The following AIM2 variants were observed in gnomAD, a reference collection of about 807,000 sequenced individuals.
AIM2 encodes the protein interferon-inducible protein AIM2.
A neutral mutation model predicts 27.7 loss-of-function variants in AIM2; 30 were observed. That is an observed-to-expected ratio of 1.08 (90% confidence interval 0.81 to 1.47). The LOEUF is 1.47. Among genes scored for constraint, AIM2 ranks in the 40% most tolerant of loss-of-function variants. The pLI, the probability that AIM2 is intolerant of heterozygous loss-of-function variation, is 0.00. For synonymous variants in AIM2, 141 were observed against 145.3 expected (o/e 0.97, Z 0.21); for missense variants, 358 against 411.3 (o/e 0.87, Z 1.12).
chr1:159,125,456 A>G (rs1330487441), intron 1 of AIM2, among the ~76,000 whole-genome samples: 2 of 152,226 alleles, frequency 1.3e-5, no homozygotes, highest in African/African-American at 4.8e-5. Context: ...GTGAACTGTT[A>G]TATTTTAATC....
In AIM2 at chr1:159,103,234, C is replaced by CCATGATTGTA. The variant is rs1657353515; in HGVS notation, c.-15-36915_-15-36906dup. On this transcript the variant is annotated intron_variant, in intron 1 of 2. Transcript: ENST00000368129. ...GACACCCTGTGAAGAAACGCCTCCA[C>CCATGATTGTA]CATGATTGTAAGTTTTCTGCGGCTT... 3.3e-5 allele frequency among the ~76,000 whole-genome samples: 5 copies of CCATGATTGTA among 152,310 alleles called. 1 individual carries two copies. The Middle Eastern group carries it at 0.017, about 518-fold the overall frequency.
At chr1:159,069,683 C>T (rs1017053695) in intron 2 of AIM2, among the ~76,000 whole-genome samples, 4 of 151,964 alleles carry the variant, frequency 2.6e-5, no homozygotes, top group African/African-American at 4.8e-5. Context: ...GCTGGGATTA[C>T]AGGCTCATGC....
downstream of AIM2, among the ~76,000 whole-genome samples, chr1:159,058,264 G>T (rs1655719178): frequency 6.6e-6 from 1 of 151,262 alleles, no homozygotes; most frequent in Non-Finnish European, 1.5e-5. Context: ...CAGGACAATT[G>T]CTTGAACCCG....
chr1:159,113,191 G>T (rs767025286), intron 1 of AIM2, among the ~76,000 whole-genome samples: 16 of 152,058 alleles, frequency 1.1e-4, no homozygotes, highest in Admixed American at 2.6e-4. Flanking sequence ...TGATCCACCT[G>T]CCTCGGTCTC....
At chr1:159,127,620 A>T (rs1025342242) in intron 1 of AIM2, among the ~76,000 whole-genome samples, 1 of 151,936 alleles carries the variant, frequency 6.6e-6, no homozygotes. Context: ...CCCTGTTGGG[A>T]TCCTTAATGG....
intron 3 of AIM2, among the ~76,000 whole-genome samples, chr1:159,067,631 T>C (rs1453336147): frequency 6.6e-6 from 1 of 152,154 alleles, no homozygotes; most frequent in Non-Finnish European, 1.5e-5. Context: ...GACTGAAAAA[T>C]GCATATTTTC....
chr1:159,140,580 G>A (rs559837974), upstream of AIM2: 1 of 152,340 alleles, frequency 6.6e-6, no homozygotes, highest in African/African-American at 2.4e-5. Context: ...GCAGTCCTGG[G>A]ACACGTATCT....
chr1:159,131,582 G>C (rs1245485435), intron 1 of AIM2, among the ~76,000 whole-genome samples: 1 of 152,148 alleles, frequency 6.6e-6, no homozygotes, highest in African/African-American at 2.4e-5. Context: ...GTTAAGACAA[G>C]ACTATTTAAA....
chr1:159,079,016 T>C (rs926161075), upstream of AIM2, among the ~76,000 whole-genome samples: 1 of 152,124 alleles, frequency 6.6e-6, no homozygotes, highest in African/African-American at 2.4e-5. Flanking sequence ...TTTGTGTGTA[T>C]ACATGTATGG....
At chr1:159,140,839 A>G (rs1391665158), upstream of AIM2, among the ~76,000 whole-genome samples, 1 of 152,190 alleles carries the variant, frequency 6.6e-6, no homozygotes, top group East Asian at 1.9e-4. Flanking sequence ...CTTTTTGAAA[A>G]TCAGGAATTA....
chr1:159,083,304 A>C (rs899023812), intron 1 of AIM2, among the ~76,000 whole-genome samples: 1 of 152,194 alleles, frequency 6.6e-6, no homozygotes, highest in African/African-American at 2.4e-5. Context: ...AGGTGTAAGA[A>C]AAGTAAATTT....
chr1:159,130,460 T>C (rs1570981813), intron 1 of AIM2, among the ~76,000 whole-genome samples: 1 of 152,282 alleles, frequency 6.6e-6, no homozygotes, highest in Non-Finnish European at 1.5e-5. Context: ...TTCCCTGGCC[T>C]TTTTGAGAAT....
chr1:159,079,825 C>T (rs561365847), upstream of AIM2, among the ~76,000 whole-genome samples: 4 of 152,274 alleles, frequency 2.6e-5, no homozygotes, highest in Admixed American at 2.0e-4. Flanking sequence ...CCCTAAAATC[C>T]TCTGTGCTCT....
At chr1:159,075,574 C>CACACAT (rs1553215635) in intron 1 of AIM2, among the ~76,000 whole-genome samples, 38 of 109,216 alleles carry the variant, frequency 3.5e-4, no homozygotes, top group African/African-American at 9.7e-4. Context: ...CACACACACA[C>CACACAT]ATATATATAT....
the AIM2 span, among the ~76,000 whole-genome samples, chr1:159,056,742 A>AAC: frequency 1.4e-5 from 2 of 144,640 alleles, no homozygotes; most frequent in Non-Finnish European, 1.5e-5. Context: ...AAAAAAAAAA[A>AAC]AAAAAACTAC....
At chr1:159,058,518 G>A (rs899312426), downstream of AIM2, among the ~76,000 whole-genome samples, 5 of 151,890 alleles carry the variant, frequency 3.3e-5, no homozygotes, top group East Asian at 1.9e-4. Flanking sequence ...ACTGCTCACC[G>A]GTTCATCTGG....
At chr1:159,103,534 G>A (rs1402159579) in intron 1 of AIM2, among the ~76,000 whole-genome samples, 1 of 152,190 alleles carries the variant, frequency 6.6e-6, no homozygotes, top group African/African-American at 2.4e-5. Flanking sequence ...CACCTAGAGA[G>A]GAATTAAAAC....
At chr1:159,105,373 C>T (rs985743854) in intron 1 of AIM2, among the ~76,000 whole-genome samples, 10 of 152,294 alleles carry the variant, frequency 6.6e-5, no homozygotes, top group East Asian at 1.9e-4. Flanking sequence ...TGGTCTGGGC[C>T]GCAGCTCCTC....
At chr1:159,122,751 T>A (rs946980651) in intron 1 of AIM2, among the ~76,000 whole-genome samples, 2 of 152,188 alleles carry the variant, frequency 1.3e-5, no homozygotes, top group African/African-American at 2.4e-5. Flanking sequence ...CTCTCTTCTT[T>A]ATGCCTTGCT....
Sources: allele counts gnomAD v4.1 joint callset (sites outside exome capture counted in the v4.1 genomes callset), GRCh38; gene constraint gnomAD v4.1.1; transcripts MANE v1.5; gene names NCBI Gene and HGNC (gene_info 2026-07-23, HGNC 2026-07-21).